RYR1: variants seen among roughly 807,000 people sequenced by gnomAD.
RYR1 encodes the protein central core disease of muscle.
A neutral mutation model predicts 583.5 loss-of-function variants in RYR1; 342 were observed. The observed-to-expected ratio is 0.59, with a 90% CI of 0.54 to 0.64. The LOEUF (loss-of-function observed/expected upper bound fraction) is 0.64. RYR1 is among the 30% of genes least tolerant of loss of function. RYR1 has a pLI of 0.00. For synonymous variants in RYR1, 2,791 were observed against 2,822.5 expected, an observed-to-expected ratio of 0.99 and a Z score of 0.35; for missense variants, 6,032 against 6,917.2, an observed-to-expected ratio of 0.87 and a Z score of 4.54.
intron 12 of RYR1, 41 bp downstream of exon 12, chr19:38,451,926 G>A (rs1218159405): frequency 6.2e-7 from 1 of 1,613,670 alleles, no homozygotes; most frequent in Non-Finnish European, 8.5e-7. Flanking sequence ...CTCCTGTGCT[G>A]TCCCATGCTC....
chr19:38,459,629 TC>T (rs1168983753), intron 19 of RYR1, among the ~76,000 whole-genome samples: 25 of 151,274 alleles, frequency 1.7e-4, no homozygotes, highest in South Asian at 6.3e-4. Context: ...TCCGGTGACC[TC>T]CCAATGACCT....
Position 38,469,207 on chromosome 19 carries a change from C to T in RYR1, c.3556+67C>T, listed in dbSNP as rs115751347. The T allele has an allele frequency of 2.3e-3, 3,721 of 1,607,650 alleles. 97 individuals carry two copies. The African/African-American group carries it at 0.042, about 18-fold the overall frequency. On this transcript the variant is annotated intron_variant, in intron 26 of 105. Coordinates refer to ENST00000359596, the MANE Select transcript of RYR1 (RefSeq NM_000540.3). ...TCTGTCTCTCCCAACCCTGCACTGCCCTTCTGCCTCCAACTCTCCCATCCC... is the reference window on the plus strand; with the variant it reads ...TCTGTCTCTCCCAACCCTGCACTGCTCTTCTGCCTCCAACTCTCCCATCCC...
chr19:38,546,843 T>C (rs1342817582), intron 88 of RYR1, among the ~76,000 whole-genome samples: 1 of 145,830 alleles, frequency 6.9e-6, no homozygotes, highest in Non-Finnish European at 1.5e-5. Flanking sequence ...ACCCAGCTAC[T>C]CGGGAGGCTG....
At chr19:38,578,933 A>G (rs536784424) in intron 99 of RYR1, among the ~76,000 whole-genome samples, 5 of 151,958 alleles carry the variant, frequency 3.3e-5, no homozygotes, top group East Asian at 1.9e-4. Flanking sequence ...CAACTTTTGT[A>G]GAGACGGTGA....
At chr19:38,586,401 A>G (rs1974490721) in intron 104 of RYR1, 124 bp from the exon 105 acceptor site, 2 of 1,148,960 alleles carry the variant, frequency 1.7e-6, no homozygotes, top group Non-Finnish European at 2.6e-6. Context: ...GGGGAGGATT[A>G]CTTGAGGCCA....
intron 100 of RYR1, 84 bp from the exon 101 acceptor site, chr19:38,580,285 TG>T: frequency 6.4e-7 from 1 of 1,566,990 alleles, no homozygotes; most frequent in Non-Finnish European, 8.7e-7. Context: ...CCACAGGGAC[TG>T]AACCGGGGCC....
intron 89 of RYR1, among the ~76,000 whole-genome samples, chr19:38,560,613 C>T (rs1599623558): frequency 6.9e-6 from 1 of 144,520 alleles, no homozygotes; most frequent in East Asian, 2.1e-4. Flanking sequence ...CCTGTAATCC[C>T]AGCTGCTCAG....
rs1973391673 is a variant in RYR1 at position 38,565,777 on chromosome 19, A to T, written c.13437+6A>T. ...TCCTCAAGAGGAAATTGGGGGTGAG[A>T]GAGCAGGCGGGGTTTTGGGGTTTTG... On this transcript the variant is annotated splice_donor_region_variant and intron_variant, in intron 91 of 105. Transcript: ENST00000359596. The surrounding 1 kb of genome is among the most constrained non-coding windows in gnomAD (Gnocchi z 4.7). The T allele has an allele frequency of 5.8e-6, 8 of 1,388,304 alleles. No individual in the cohort carries two copies. The highest frequency in any genetic ancestry group is 7.4e-6 in the Non-Finnish European group (8 of 1,080,238). 86.0% of individuals were successfully genotyped at this position (1,388,304 alleles called of 1,614,324 possible).
At chr19:38,529,183 T>C in intron 76 of RYR1, 126 bp downstream of exon 76, 1 of 921,916 alleles carries the variant, frequency 1.1e-6, no homozygotes, top group South Asian at 1.4e-5. Context: ...AGACGGATCT[T>C]TAAATATCAC....
chr19:38,489,629 CTTT>C (rs1208663673), intron 35 of RYR1, among the ~76,000 whole-genome samples, 186 bp downstream of exon 35: 2 of 152,062 alleles, frequency 1.3e-5, no homozygotes, highest in East Asian at 3.9e-4. Context: ...AGAAGGCAGT[CTTT>C]TTTGTTTGTT....
intron 63 of RYR1, 57 bp from the exon 64 acceptor site, chr19:38,514,969 G>A (rs914572057): frequency 8.3e-7 from 1 of 1,201,202 alleles, no homozygotes; most frequent in Non-Finnish European, 1.2e-6. Context: ...GGGAGGTGGG[G>A]TGGGGAGGGC....
chr19:38,558,800 A>T (rs895759328), intron 89 of RYR1, among the ~76,000 whole-genome samples: 34 of 148,348 alleles, frequency 2.3e-4, no homozygotes, highest in Non-Finnish European at 2.4e-4. Context: ...ATAATTTTTT[A>T]AAAAAATAGT....
rs199508524 is a variant in RYR1 at position 38,453,028 on chromosome 19, G to A, written c.1440+14G>A. On this transcript the variant is annotated intron_variant, in intron 13 of 105. Transcript: ENST00000359596. ...TTCCAGGAGGAGGTGAGGACGTGGC[G>A]AGGGCGGAGCGGGGCCTGTGGGCCC... The A allele has an allele frequency of 3.1e-6, 5 of 1,612,948 alleles. No individual in the cohort carries two copies. In the South Asian group the frequency reaches 3.3e-5, roughly 11 times the overall value.
intron 31 of RYR1, among the ~76,000 whole-genome samples, chr19:38,481,171 G>A (rs115819409): frequency 0.026 from 4,026 of 152,126 alleles, 179 homozygotes; most frequent in African/African-American, 0.09. Context: ...CTGTCACCCA[G>A]GCTGGTGCAC....
At position 38,580,602 on chromosome 19, in the gene RYR1, G is replaced by T. The variant is rs2145897439; in HGVS notation, c.14646+98G>T. 4.0e-6 allele frequency: 6 copies of T among 1,488,302 alleles called. No individual in the cohort carries two copies. The South Asian group carries it at 4.6e-5, about 11-fold the overall frequency. The allele number at this position is 1,488,302 out of a possible 1,614,324, so 92.2% of individuals were successfully genotyped here. A position where few individuals can be genotyped will look rare whatever the true frequency, so the allele number is the denominator to read the frequency against. On this transcript the variant is annotated intron_variant, in intron 101 of 105. Transcript: ENST00000359596. ...AGGCCGGGCGTGGTGCCTCCAGCCT[G>T]CAATCCCAGTGCGTCGGGAGGCCGA... is the stretch of plus-strand genomic sequence containing the variant.
intron 93 of RYR1, among the ~76,000 whole-genome samples, chr19:38,568,171 G>A (rs1254607242): frequency 1.8e-4 from 28 of 152,028 alleles, no homozygotes. Context: ...GTTCATCGGG[G>A]CCACCCACCC....
At chr19:38,507,568 G>C in intron 57 of RYR1, 144 bp from the exon 58 acceptor site, 1 of 708,606 alleles carries the variant, frequency 1.4e-6, no homozygotes, top group Non-Finnish European at 2.6e-6. Flanking sequence ...GGTGGGGCAT[G>C]GGGGACTCAG....
intron 89 of RYR1, among the ~76,000 whole-genome samples, chr19:38,555,045 C>T (rs1356200158): frequency 6.6e-6 from 1 of 152,056 alleles, no homozygotes; most frequent in Non-Finnish European, 1.5e-5. Context: ...AACCCCATAC[C>T]CATTAGCAGT....
At position 38,499,800 on chromosome 19, in the gene RYR1, G is replaced by A. The variant is rs757289154; in HGVS notation, c.7193G>A (p.Arg2398His). The change falls in exon 44 of 106, where the codon CGC becomes CAC. Residue 2398 changes from arginine (R) to histidine (H), a missense_variant. Coordinates refer to ENST00000359596, the MANE Select transcript of RYR1 (RefSeq NM_000540.3). This position sits in a 1 kb window ranked among gnomAD's most constrained non-coding sequence, Gnocchi z 7.3. The part of the protein sequence containing the change: ...EDPARDGPGI[R>H]RDRRREHFGE... ...CCTGCGAGGGATGGCCCAGGCATCCGCAGGGACCGGCGGCGCGAGCAGTGA... is the reference window on the plus strand; with the variant it reads ...CCTGCGAGGGATGGCCCAGGCATCCACAGGGACCGGCGGCGCGAGCAGTGA... 36 of 1,604,602 alleles carry A rather than the reference G, an allele frequency of 2.2e-5. No homozygotes were observed. The highest frequency in any genetic ancestry group is 2.6e-5 in the Non-Finnish European group (31 of 1,179,042).
Sources: gnomAD v4.1 joint callset for allele counts (sites outside exome capture counted in the v4.1 genomes callset) on GRCh38, gnomAD v4.1.1 for gene constraint, Gnocchi (gnomAD v3.1) non-coding constraint, MANE v1.5 for transcripts, NCBI Gene and HGNC (gene_info 2026-07-23, HGNC 2026-07-21) for gene names.